Variants in ROBO2 observed in about 807,000 individuals in gnomAD.
The protein encoded by ROBO2 is roundabout homolog 2.
In ROBO2, 53 loss-of-function variants were observed where a neutral mutation model predicts 160.8. The observed-to-expected ratio is 0.33, with a 90% CI of 0.26 to 0.41. The LOEUF (loss-of-function observed/expected upper bound fraction) is 0.41, where lower values mean the gene tolerates loss of function less well. Among genes scored for constraint, ROBO2 ranks in the 10% least tolerant of loss-of-function variants. ROBO2 has a pLI of 1.00. For synonymous variants in ROBO2, 664 were observed against 611.7 expected (o/e 1.09, Z -1.26); for missense variants, 1,577 against 1,722.4 (o/e 0.92, Z 1.49).
intron 21 of ROBO2, among the ~76,000 whole-genome samples, chr3:77,614,722 AAACCAACC>A (rs71709284): frequency 8.0e-5 from 12 of 149,290 alleles, no homozygotes; most frequent in Admixed American, 2.6e-4. Context: ...TTCCCCCAAA[AAACCAACC>A]AACCAACCAA....
intron 4 of ROBO2, among the ~76,000 whole-genome samples, chr3:77,484,024 A>G (rs1385970892): frequency 6.6e-6 from 1 of 151,966 alleles, no homozygotes; most frequent in African/African-American, 2.4e-5. Context: ...ATTTGATCAT[A>G]TCAAAGATAT....
intron 5 of ROBO2, among the ~76,000 whole-genome samples, chr3:77,494,656 C>T (rs62251085): frequency 0.025 from 3,746 of 152,290 alleles, 63 homozygotes; most frequent in Middle Eastern, 0.058. Context: ...AACCATGCTT[C>T]CTCCGAAGCT....
intron 2 of ROBO2, among the ~76,000 whole-genome samples, chr3:76,375,238 T>C (rs1001824691): frequency 5.9e-5 from 9 of 151,962 alleles, no homozygotes; most frequent in African/African-American, 2.2e-4. Flanking sequence ...GTTTTCTGTA[T>C]TCACTAAATC....
chr3:77,103,129 T>TG (rs1250801772), intron 2 of ROBO2, among the ~76,000 whole-genome samples: 11 of 152,284 alleles, frequency 7.2e-5, no homozygotes, highest in Non-Finnish European at 1.5e-4. Flanking sequence ...AGATTGTAGC[T>TG]GCCTGTGATG....
chr3:77,227,775 A>C (rs2086661379), intron 2 of ROBO2, among the ~76,000 whole-genome samples: 1 of 152,220 alleles, frequency 6.6e-6, no homozygotes, highest in South Asian at 2.1e-4. Context: ...CAAGTCAATC[A>C]AATAACCTGA....
chr3:76,747,272 C>CA (rs2093909488), intron 2 of ROBO2, among the ~76,000 whole-genome samples: 1 of 152,148 alleles, frequency 6.6e-6, no homozygotes, highest in Non-Finnish European at 1.5e-5. Flanking sequence ...GCAGTGTACG[C>CA]AAAATTTCAT....
At chr3:77,605,254 A>C (rs1033247476) in intron 20 of ROBO2, among the ~76,000 whole-genome samples, 33 of 151,652 alleles carry the variant, frequency 2.2e-4, no homozygotes, top group African/African-American at 8.0e-4. Flanking sequence ...AAGTCATTAA[A>C]ATATGCTCCC....
chr3:76,414,564 A>G (rs2075660606), intron 2 of ROBO2, among the ~76,000 whole-genome samples: 1 of 140,710 alleles, frequency 7.1e-6, no homozygotes, highest in Admixed American at 7.5e-5. Context: ...GGAATTGAAC[A>G]ATGAGATCAC....
intron 2 of ROBO2, among the ~76,000 whole-genome samples, chr3:76,287,511 A>T (rs748435535): frequency 5.9e-4 from 89 of 151,996 alleles, no homozygotes; most frequent in South Asian, 1.0e-3. Context: ...TGTTGGCCAG[A>T]CTGGTCTCGA....
chr3:75,928,145 C>T (rs776525177), intron 1 of ROBO2, among the ~76,000 whole-genome samples: 61 of 151,896 alleles, frequency 4.0e-4, no homozygotes, highest in Non-Finnish European at 6.9e-4. Flanking sequence ...CCACCACGCC[C>T]GGCTTATTTT....
At chr3:76,264,080 G>A (rs1706943269) in intron 2 of ROBO2, among the ~76,000 whole-genome samples, 1 of 152,090 alleles carries the variant, frequency 6.6e-6, no homozygotes, top group Non-Finnish European at 1.5e-5. Flanking sequence ...GGAGTGAGGA[G>A]CCAGAGGAGG....
At chr3:76,901,568 C>CAAAAAAAA (rs34372046) in intron 2 of ROBO2, among the ~76,000 whole-genome samples, 4 of 75,832 alleles carry the variant, frequency 5.3e-5, no homozygotes, top group Admixed American at 1.9e-4. Context: ...AATTTCATCT[C>CAAAAAAAA]AAAAAAAAAA....
At chr3:77,302,040 C>A (rs1421070287) in intron 2 of ROBO2, among the ~76,000 whole-genome samples, 1 of 151,872 alleles carries the variant, frequency 6.6e-6, no homozygotes, top group Non-Finnish European at 1.5e-5. Context: ...GTAGCTGGGA[C>A]TACTGGTGTG....
At chr3:76,642,932 A>G (rs1384304967) in intron 2 of ROBO2, among the ~76,000 whole-genome samples, 1 of 152,212 alleles carries the variant, frequency 6.6e-6, no homozygotes, top group Non-Finnish European at 1.5e-5. Flanking sequence ...ATAAATAATG[A>G]CAGACAGTTA....
intron 22 of ROBO2, among the ~76,000 whole-genome samples, chr3:77,621,381 G>A (rs1027595135): frequency 2.0e-5 from 3 of 151,932 alleles, no homozygotes; most frequent in Admixed American, 6.6e-5. Flanking sequence ...AGCCATGATC[G>A]CATCACTGCA....
chr3:76,487,834 G>A (rs2079582427), intron 2 of ROBO2, among the ~76,000 whole-genome samples: 1 of 152,146 alleles, frequency 6.6e-6, no homozygotes, highest in Admixed American at 6.5e-5. Flanking sequence ...CCTAGAAGCT[G>A]CCCACAATTC....
chr3:77,324,180 A>G (rs1298903701), intron 2 of ROBO2, among the ~76,000 whole-genome samples: 2 of 152,154 alleles, frequency 1.3e-5, no homozygotes, highest in African/African-American at 4.8e-5. Context: ...GGGACTGGCT[A>G]TAAGTGTCAG....
At chr3:76,842,672 G>T (rs191420846) in intron 2 of ROBO2, among the ~76,000 whole-genome samples, 1 of 152,208 alleles carries the variant, frequency 6.6e-6, no homozygotes. Flanking sequence ...TGTTATTGCT[G>T]TTATGAGTTA....
intron 2 of ROBO2, among the ~76,000 whole-genome samples, chr3:76,273,739 C>T (rs1335426859): frequency 1.3e-5 from 2 of 152,098 alleles, no homozygotes; most frequent in African/African-American, 2.4e-5. Flanking sequence ...TGGAGGTAAC[C>T]GCCCCTGTGA....
Sources: gnomAD v4.1 joint callset for allele counts (sites outside exome capture counted in the v4.1 genomes callset) on GRCh38, gnomAD v4.1.1 for gene constraint, MANE v1.5 for transcripts, NCBI Gene and HGNC (gene_info 2026-07-23, HGNC 2026-07-21) for gene names.